The following AMPD3 variants were observed in gnomAD, a reference collection of about 807,000 sequenced individuals.
The protein encoded by AMPD3 is AMP deaminase 3.
Under a neutral mutation model 82.3 loss-of-function variants are expected in AMPD3, and 57 were observed. That is an observed-to-expected ratio of 0.69 (90% CI 0.56 to 0.86). AMPD3 has a LOEUF of 0.86. Ranked by LOEUF, AMPD3 falls within the 40% of genes least tolerant of loss-of-function variation. The pLI, the probability that AMPD3 is intolerant of heterozygous loss-of-function variation, is 0.00. For synonymous variants in AMPD3, 381 were observed against 394.7 expected, an observed-to-expected ratio of 0.97 and a Z score of 0.41; for missense variants, 870 against 1,003.8, an observed-to-expected ratio of 0.87 and a Z score of 1.80.
At chr11:10,486,993 C>T in intron 5 of AMPD3, 1 of 985,380 alleles carries the variant, frequency 1.0e-6, no homozygotes, top group Non-Finnish European at 1.2e-6. Context: ...GTCAAAACAC[C>T]TGTATGAGGT....
chr11:10,450,890 C>T (rs570088725), upstream of AMPD3: 15 of 1,231,928 alleles, frequency 1.2e-5, no homozygotes, highest in South Asian at 5.2e-4. Flanking sequence ...CGCCCGGCCC[C>T]CGCGCCTGCT....
chr11:10,501,432 G>A (rs746269223), intron 11 of AMPD3, 38 bp from the exon 12 acceptor site: 2 of 1,609,274 alleles, frequency 1.2e-6, no homozygotes, highest in Non-Finnish European at 1.7e-6. Flanking sequence ...AGCCAACTGG[G>A]GGGGGCCTTC....
chr11:10,488,783 G>A (rs1333788365), intron 6 of AMPD3, among the ~76,000 whole-genome samples: 1 of 152,146 alleles, frequency 6.6e-6, no homozygotes, highest in Non-Finnish European at 1.5e-5. Flanking sequence ...GTCCCAGCTG[G>A]GAACCTCTTG....
At position 10,504,534 on chromosome 11, in the gene AMPD3, T is replaced by TG. The variant is rs1849663533; in HGVS notation, c.2017-10dup. 6.2e-7 allele frequency: 1 copy of TG among 1,607,586 alleles called. No individual in the cohort carries two copies. The highest frequency in any genetic ancestry group is 8.5e-7 in the Non-Finnish European group (1 of 1,174,154). On this transcript the variant is annotated splice_polypyrimidine_tract_variant and intron_variant, in intron 13 of 14. Coordinates refer to ENST00000396553, the MANE Select transcript of AMPD3 (RefSeq NM_001025389.2). ...ATCCCCCCTTCTAATCCACATGCTT[T>TG]GGGGGAGGATCTAGGAAGCACTTAT...
intron 12 of AMPD3, 109 bp from the exon 13 acceptor site, chr11:10,502,612 C>T: frequency 6.3e-7 from 1 of 1,591,674 alleles, no homozygotes; most frequent in Non-Finnish European, 8.5e-7. Flanking sequence ...AGACATGGTT[C>T]AGACCCCTGG....
rs142453229 is a variant in AMPD3, at chr11:10,461,582, G to A, written c.63G>A (p.Ala21=). 177 of 1,614,224 alleles carry A rather than the reference G, an allele frequency of 1.1e-4. 1 individual carries two copies. The African/African-American group carries it at 1.8e-3, about 16-fold the overall frequency. Residue 21 remains alanine, a synonymous_variant, in exon 2 of 15, where the codon GCG becomes GCA. Transcript: ENST00000396553. ...SEVDEQVRLL[A]EKVFAKVLRE... is the part of the protein sequence containing the mutation. ...TGGATGAGCAAGTCCGGCTCCTGGC[G>A]GAGAAGGTGTTTGCTAAAGTGCTCC...
At chr11:10,478,108 G>C in intron 2 of AMPD3, 1 of 985,422 alleles carries the variant, frequency 1.0e-6, no homozygotes, top group Non-Finnish European at 1.2e-6. Context: ...CATATGTTGG[G>C]ACTGAGAGTT....
intron 7 of AMPD3, chr11:10,494,632 CA>C: frequency 1.0e-6 from 1 of 985,412 alleles, no homozygotes; most frequent in Non-Finnish European, 1.2e-6. Context: ...CTCACTAAGT[CA>C]GCCATGTCCT....
intron 6 of AMPD3, among the ~76,000 whole-genome samples, chr11:10,487,802 A>G (rs755561200): frequency 2.0e-5 from 3 of 152,134 alleles, no homozygotes; most frequent in Non-Finnish European, 4.4e-5. Context: ...TATAAGTGAG[A>G]ACATGCGGTG....
In AMPD3 at chr11:10,482,284, G is replaced by A. The variant is rs1043537609; in HGVS notation, c.589+59G>A. The A allele has an allele frequency of 8.8e-6, 14 of 1,584,270 alleles. No homozygotes were observed. The African/African-American group carries it at 1.8e-4, about 20-fold the overall frequency. On this transcript the variant is annotated intron_variant, in intron 4 of 14. Coordinates refer to ENST00000396553, the MANE Select transcript of AMPD3 (RefSeq NM_001025389.2). ...TGTGGGCAGACCGAGAGCTAGTCAG[G>A]GCTTTTTTCTGGCTCGGTCTATTTC...
intron 5 of AMPD3, among the ~76,000 whole-genome samples, chr11:10,485,459 G>A (rs1408132549): frequency 1.3e-5 from 2 of 152,064 alleles, no homozygotes; most frequent in African/African-American, 4.8e-5. Flanking sequence ...TGCCTAGGCT[G>A]GTCTCAAACT....
intron 2 of AMPD3, among the ~76,000 whole-genome samples, chr11:10,475,016 A>T (rs1848698469): frequency 6.6e-6 from 1 of 152,220 alleles, no homozygotes; most frequent in African/African-American, 2.4e-5. Flanking sequence ...ATTAGTTTGC[A>T]CTGCTATAAA....
Position 10,495,050 on chromosome 11 carries a change from C to T in AMPD3, c.1266+20C>T. On this transcript the variant is annotated intron_variant, in intron 8 of 14. Coordinates refer to ENST00000396553, the MANE Select transcript of AMPD3 (RefSeq NM_001025389.2). The stretch of plus-strand genomic sequence containing the variant: ...GTCAAGGTGAGTGAACCCTCAGTCT[C>T]TCTGAGGCCTCTCAGGTGCCTCCCA... 1 of 1,614,034 alleles carries T rather than the reference C, an allele frequency of 6.2e-7. No homozygotes were observed. Among genetic ancestry groups the T allele is most frequent in the African/African-American group, 1.3e-5 (1 of 75,064 alleles).
chr11:10,482,174 T>C lies in AMPD3; in HGVS notation c.538T>C (p.Tyr180His). The change falls in exon 4 of 15, where the codon TAC becomes CAC. Residue 180 changes from tyrosine (Y) to histidine (H), a missense_variant. Physicochemically the swap from Tyr to His is moderately conservative, Grantham distance 83. Coordinates refer to ENST00000396553, the MANE Select transcript of AMPD3 (RefSeq NM_001025389.2). ...YHRFPRITSQ[Y>H]LGHPRADTAP... Reference sequence around the variant, plus strand: ...CCGCTTCCCGCGGATCACATCCCAGTACCTGGGTCATCCGCGGGCGGATAC... The same window carrying C: ...CCGCTTCCCGCGGATCACATCCCAGCACCTGGGTCATCCGCGGGCGGATAC... 1.2e-6 allele frequency: 2 copies of C among 1,613,828 alleles called. No individual in the cohort carries two copies. Among genetic ancestry groups the C allele is most frequent in the Non-Finnish European group, 1.7e-6 (2 of 1,179,980 alleles).
intron 11 of AMPD3, 90 bp downstream of exon 11, chr11:10,500,339 C>A: frequency 6.6e-7 from 1 of 1,507,544 alleles, no homozygotes; most frequent in Non-Finnish European, 9.2e-7. Flanking sequence ...GCATGTGATC[C>A]TTGTGTCCGT....
At position 10,456,261 on chromosome 11, in the gene AMPD3, C is replaced by T; in HGVS notation, c.-6+813C>T. 1 of 1,556,704 alleles carries T rather than the reference C, an allele frequency of 6.4e-7. No individual in the cohort carries two copies. ...GCTCACAGATATGCAAAACAGAGAC[C>T]TCCTACTCCAGCCGGCAGACAGGAC... On this transcript the variant is annotated intron_variant, in intron 1 of 14. Transcript: ENST00000396553. The surrounding 1 kb of genome is among the most constrained non-coding windows in gnomAD (Gnocchi z 4.3).
intron 10 of AMPD3, among the ~76,000 whole-genome samples, chr11:10,497,382 T>G (rs530173791): frequency 2.0e-5 from 3 of 152,128 alleles, no homozygotes; most frequent in Admixed American, 1.3e-4. Flanking sequence ...TACAAGCCCC[T>G]AAAGTGTATT....
At chr11:10,493,320 C>A (rs771738562) in intron 6 of AMPD3, 29 bp from the exon 7 acceptor site, 2 of 1,613,608 alleles carry the variant, frequency 1.2e-6, no homozygotes, top group East Asian at 2.2e-5. Context: ...GGTGGCCTGA[C>A]TCAGGGCCTG....
At position 10,486,813 on chromosome 11, in the gene AMPD3, G is replaced by A; in HGVS notation, c.810-422G>A. ...TGAGGATAGAAAAGAGGAAGGAAAG[G>A]AGGAGATGAAGGAGGGAGACTTCCA... On this transcript the variant is annotated intron_variant, in intron 5 of 14. Transcript: ENST00000396553. The A allele has an allele frequency of 4.1e-6, 4 of 985,404 alleles. No individual in the cohort carries two copies. The South Asian group carries it at 1.9e-4, about 46-fold the overall frequency. The allele number at this position is 985,404 out of a possible 1,614,324, so 61.0% of individuals were successfully genotyped here.
Sources: allele counts gnomAD v4.1 joint callset (sites outside exome capture counted in the v4.1 genomes callset), GRCh38; gene constraint gnomAD v4.1.1; non-coding constraint Gnocchi (gnomAD v3.1); transcripts MANE v1.5; gene names NCBI Gene and HGNC (gene_info 2026-07-23, HGNC 2026-07-21).